Variants in SNTG2 observed in about 807,000 individuals in gnomAD.
The protein encoded by SNTG2 is gamma-2-syntrophin.
SNTG2 carries 74 observed loss-of-function variants against 70.9 expected under a neutral mutation model. The ratio of observed to expected loss-of-function variants is 1.04; its 90% CI spans 0.86 to 1.27. SNTG2 has a LOEUF of 1.27. SNTG2 is among the 50% of genes most tolerant of loss of function. The pLI is 0.00. For synonymous variants in SNTG2, 278 were observed against 273.8 expected, an observed-to-expected ratio of 1.02 and a Z score of -0.15; for missense variants, 717 against 690.7, an observed-to-expected ratio of 1.04 and a Z score of -0.43.
At chr2:983,424 C>T (rs1322774811) in intron 1 of SNTG2, among the ~76,000 whole-genome samples, 1 of 148,958 alleles carries the variant, frequency 6.7e-6, no homozygotes, top group Non-Finnish European at 1.5e-5. Flanking sequence ...GGTCAGGCTG[C>T]CCCATCTATC....
intron 4 of SNTG2, among the ~76,000 whole-genome samples, chr2:1,106,701 T>C (rs1208661679): frequency 1.8e-3 from 228 of 123,702 alleles, no homozygotes; most frequent in Non-Finnish European, 2.8e-3. Flanking sequence ...AGTGGATGCG[T>C]GCTGTCACTC....
At chr2:1,124,379 C>G (rs55653476) in intron 4 of SNTG2, among the ~76,000 whole-genome samples, 1,546 of 151,490 alleles carry the variant, frequency 0.01, 27 homozygotes, top group African/African-American at 0.035. Flanking sequence ...ACTACAAGCT[C>G]TGCTTCCCAG....
intron 13 of SNTG2, among the ~76,000 whole-genome samples, chr2:1,261,873 C>G (rs1011222666): frequency 2.0e-5 from 3 of 152,108 alleles, no homozygotes; most frequent in African/African-American, 4.8e-5. Context: ...CAAGCAGAGA[C>G]AGGGATGGGG....
chr2:1,081,532 G>T lies in SNTG2; in HGVS notation c.73-1986G>T, dbSNP rs576130155. Among the ~76,000 whole-genome samples, 5 of 152,360 alleles carry T rather than the reference G, an allele frequency of 3.3e-5. 1 individual carries two copies. The South Asian group carries it at 1.0e-3, about 32-fold the overall frequency. On this transcript the variant is annotated intron_variant, in intron 1 of 16. Transcript: ENST00000308624. ...CTCCAGTGAGCTCAGCCCTCGGTCA[G>T]GCAGGGCCAGCAGTCAGGCTGCAAA... is the stretch of plus-strand genomic sequence containing the variant.
intron 8 of SNTG2, among the ~76,000 whole-genome samples, chr2:1,194,160 C>G (rs1408362078): frequency 6.6e-6 from 1 of 152,170 alleles, no homozygotes; most frequent in Non-Finnish European, 1.5e-5. Context: ...ATTATCCTCT[C>G]TTTATAAGAA....
intron 1 of SNTG2, among the ~76,000 whole-genome samples, chr2:951,633 C>G (rs1196793482): frequency 6.6e-6 from 1 of 152,184 alleles, no homozygotes; most frequent in Non-Finnish European, 1.5e-5. Flanking sequence ...CTGGTTCCCA[C>G]CCTAAATAAC....
intron 9 of SNTG2, among the ~76,000 whole-genome samples, chr2:1,223,403 G>A (rs1222183609): frequency 2.6e-5 from 4 of 151,910 alleles, no homozygotes; most frequent in Non-Finnish European, 4.4e-5. Flanking sequence ...GCAGCGCAGT[G>A]ATGGAGGGCG....
chr2:1,175,887 C>T (rs1671441781), intron 8 of SNTG2, among the ~76,000 whole-genome samples: 1 of 152,164 alleles, frequency 6.6e-6, no homozygotes, highest in African/African-American at 2.4e-5. Context: ...CTGGTAAGTG[C>T]AGTGGAAAAG....
At position 974,097 on chromosome 2, in the gene SNTG2, TAAGA is replaced by T. The variant is rs144728677; in HGVS notation, c.72+23035_72+23038del. 4.1e-3 allele frequency among the ~76,000 whole-genome samples: 623 copies of T among 152,302 alleles called. 7 individuals are homozygous for T. Among genetic ancestry groups the T allele is most frequent in the African/African-American group, 0.012 (518 of 41,556 alleles). On this transcript the variant is annotated intron_variant, in intron 1 of 16. Coordinates refer to ENST00000308624, the MANE Select transcript of SNTG2 (RefSeq NM_018968.4). ...TTTTGGTTTTTTTAGCTTATAAAAC[TAAGA>T]AAGAAGGAAGTGGTGGCCTCTTCTT...
Position 1,314,816 on chromosome 2 carries a change from G to C in SNTG2, c.1378-1449G>C, listed in dbSNP as rs145969383. ...GAAGGCAAAGGAAGAGCAAAGGCAT[G>C]TCTTACGTGGTGGCAGGCAAGAGAG... On this transcript the variant is annotated intron_variant, in intron 15 of 16. Coordinates refer to ENST00000308624, the MANE Select transcript of SNTG2 (RefSeq NM_018968.4). 7.9e-3 allele frequency among the ~76,000 whole-genome samples: 1,204 copies of C among 152,326 alleles called. 20 individuals carry two copies. Among genetic ancestry groups the C allele is most frequent in the African/African-American group, 0.026 (1,081 of 41,566 alleles).
chr2:1,015,563 C>A (rs1357166418), intron 1 of SNTG2, among the ~76,000 whole-genome samples: 2 of 152,068 alleles, frequency 1.3e-5, no homozygotes, highest in East Asian at 3.9e-4. Context: ...CAGGTGGAAA[C>A]CTTTAAGGCC....
At chr2:1,339,129 A>ATCATCTTAC (rs1474629058) in intron 16 of SNTG2, among the ~76,000 whole-genome samples, 1 of 152,220 alleles carries the variant, frequency 6.6e-6, no homozygotes, top group Non-Finnish European at 1.5e-5. Context: ...ATGATGTGAC[A>ATCATCTTAC]CATCTTACCA....
chr2:1,024,506 A>G (rs1660367995), intron 1 of SNTG2, among the ~76,000 whole-genome samples: 4 of 152,074 alleles, frequency 2.6e-5, no homozygotes, highest in Admixed American at 1.3e-4. Flanking sequence ...AGTAGCTGGG[A>G]CCACAGGCTC....
rs200471197 is a variant in SNTG2, at chr2:1,177,501, A to AT, written c.591+4318_591+4319insT. Among the ~76,000 whole-genome samples, 1,072 of 152,086 alleles carry AT rather than the reference A, an allele frequency of 7.0e-3. 10 individuals carry two copies. Among genetic ancestry groups the AT allele is most frequent in the Non-Finnish European group, 9.5e-3 (643 of 67,980 alleles). ...GAACTTAAAAATAAAAATTAAAAAA[A>AT]AAAAACTTTAAAAGGAACCAGAAGT... On this transcript the variant is annotated intron_variant, in intron 8 of 16. Transcript: ENST00000308624.
intron 16 of SNTG2, among the ~76,000 whole-genome samples, chr2:1,333,579 G>GT (rs1465358467): frequency 2.6e-5 from 4 of 152,126 alleles, no homozygotes; most frequent in African/African-American, 9.7e-5. Flanking sequence ...CATGGTACTA[G>GT]TACAAAAACA....
chr2:1,155,432 A>G (rs1177232708), intron 6 of SNTG2, among the ~76,000 whole-genome samples: 5 of 152,258 alleles, frequency 3.3e-5, no homozygotes, highest in African/African-American at 9.6e-5. Context: ...ACGTGTACAC[A>G]CACCACATAT....
chr2:1,201,182 T>C (rs1485431537), intron 8 of SNTG2, among the ~76,000 whole-genome samples: 1 of 152,040 alleles, frequency 6.6e-6, no homozygotes, highest in Admixed American at 6.5e-5. Flanking sequence ...AAGAAAAATA[T>C]GGTATATATA....
chr2:1,187,902 G>T (rs958232614), intron 8 of SNTG2, among the ~76,000 whole-genome samples: 2 of 152,150 alleles, frequency 1.3e-5, no homozygotes, highest in Admixed American at 6.5e-5. Flanking sequence ...AGACTTGTTC[G>T]CACAAAGAGA....
At chr2:966,752 C>T (rs921462525) in intron 1 of SNTG2, among the ~76,000 whole-genome samples, 1 of 152,114 alleles carries the variant, frequency 6.6e-6, no homozygotes, top group Non-Finnish European at 1.5e-5. Flanking sequence ...CGAGACCAGC[C>T]TGACCAACAT....
Sources: gnomAD v4.1 joint callset for allele counts (sites outside exome capture counted in the v4.1 genomes callset) on GRCh38, gnomAD v4.1.1 for gene constraint, MANE v1.5 for transcripts, NCBI Gene and HGNC (gene_info 2026-07-23, HGNC 2026-07-21) for gene names.